The following IMMP2L variants were observed in gnomAD, a reference collection of about 807,000 sequenced individuals.
IMMP2L encodes mitochondrial inner membrane protease subunit 2.
A neutral mutation model predicts 19.3 loss-of-function variants in IMMP2L; 18 were observed. The ratio of observed to expected loss-of-function variants is 0.93; its 90% CI spans 0.64 to 1.38. IMMP2L has a LOEUF of 1.38. Ranked by LOEUF, IMMP2L falls within the 40% of genes most tolerant of loss-of-function variation. IMMP2L has a pLI of 0.00. For synonymous variants in IMMP2L, 76 were observed against 73.0 expected (o/e 1.04, Z -0.21); for missense variants, 233 against 218.2 (o/e 1.07, Z -0.43).
chr7:111,378,360 T>G (rs1350548698), intron 3 of IMMP2L, among the ~76,000 whole-genome samples: 1 of 152,032 alleles, frequency 6.6e-6, no homozygotes, highest in Admixed American at 6.6e-5. Context: ...TAGTCAACAT[T>G]TTATAATTGT....
intron 3 of IMMP2L, among the ~76,000 whole-genome samples, chr7:111,138,772 ATAGT>A (rs1165476326): frequency 2.6e-5 from 4 of 152,194 alleles, no homozygotes; most frequent in African/African-American, 7.2e-5. Flanking sequence ...ACCTGAAAAG[ATAGT>A]TAGTTGTTTT....
At chr7:111,313,030 C>T (rs1823681299) in intron 3 of IMMP2L, among the ~76,000 whole-genome samples, 1 of 152,106 alleles carries the variant, frequency 6.6e-6, no homozygotes, top group Admixed American at 6.6e-5. Flanking sequence ...CTGGAGCCCA[C>T]AAGCCTGCAG....
chr7:110,985,666 T>A (rs944206846), intron 3 of IMMP2L, among the ~76,000 whole-genome samples: 3 of 152,128 alleles, frequency 2.0e-5, no homozygotes, highest in South Asian at 2.1e-4. Flanking sequence ...AAGAATGAAA[T>A]AATAAAACAT....
At chr7:111,447,486 A>C (rs1277889742) in intron 3 of IMMP2L, among the ~76,000 whole-genome samples, 12 of 148,472 alleles carry the variant, frequency 8.1e-5, no homozygotes, top group Middle Eastern at 3.4e-3. Flanking sequence ...GAAATAAAAT[A>C]CTTTACAGAC....
At chr7:110,949,050 G>A (rs367726468) in intron 4 of IMMP2L, among the ~76,000 whole-genome samples, 62 of 152,246 alleles carry the variant, frequency 4.1e-4, no homozygotes, top group African/African-American at 1.3e-3. Flanking sequence ...GAGTTACACC[G>A]TTGGCTTCCC....
intron 1 of IMMP2L, among the ~76,000 whole-genome samples, chr7:111,556,018 G>GTGTGTATATATATATATATATATA (rs777862357): frequency 0.046 from 4,194 of 90,994 alleles, 498 homozygotes; most frequent in East Asian, 0.066. Context: ...CTGTGTGCAT[G>GTGTGTATATATATATATATATATA]TATATATATA....
chr7:111,102,356 C>G (rs1185741986), intron 3 of IMMP2L, among the ~76,000 whole-genome samples: 1 of 151,408 alleles, frequency 6.6e-6, no homozygotes, highest in African/African-American at 2.4e-5. Flanking sequence ...CTCAGCAGTG[C>G]CTTATCTGTG....
At chr7:111,201,070 G>C (rs1173051567) in intron 3 of IMMP2L, among the ~76,000 whole-genome samples, 3 of 152,022 alleles carry the variant, frequency 2.0e-5, no homozygotes. Flanking sequence ...TTCCCATCTT[G>C]GCTTGTTTGG....
intron 3 of IMMP2L, among the ~76,000 whole-genome samples, chr7:111,198,480 A>T (rs563948462): frequency 6.6e-6 from 1 of 152,112 alleles, no homozygotes. Flanking sequence ...TTCCTACAAC[A>T]TGGGTGTACC....
intron 5 of IMMP2L, among the ~76,000 whole-genome samples, chr7:110,732,750 G>A (rs1234234231): frequency 2.6e-5 from 4 of 151,684 alleles, no homozygotes; most frequent in East Asian, 3.9e-4. Context: ...TGTGGTAAAA[G>A]TTGATGAATG....
intron 5 of IMMP2L, among the ~76,000 whole-genome samples, chr7:110,848,179 T>A (rs1301805405): frequency 1.3e-5 from 2 of 151,700 alleles, no homozygotes; most frequent in Non-Finnish European, 3.0e-5. Context: ...AGAACTATTA[T>A]CTAGAATATA....
intron 3 of IMMP2L, among the ~76,000 whole-genome samples, chr7:111,221,889 C>T (rs140767575): frequency 3.0e-4 from 46 of 152,052 alleles, no homozygotes; most frequent in African/African-American, 9.6e-4. Flanking sequence ...AGGCCAAAGA[C>T]ACGCAGCTAG....
intron 3 of IMMP2L, among the ~76,000 whole-genome samples, chr7:111,407,450 A>G (rs1424855148): frequency 6.6e-6 from 1 of 152,122 alleles, no homozygotes; most frequent in Non-Finnish European, 1.5e-5. Context: ...AGGTGCATCT[A>G]AACAAAAAAT....
At chr7:110,682,121 C>A (rs1792764636) in intron 5 of IMMP2L, among the ~76,000 whole-genome samples, 1 of 152,080 alleles carries the variant, frequency 6.6e-6, no homozygotes, top group Non-Finnish European at 1.5e-5. Flanking sequence ...CACTCTTATG[C>A]CTCCTTGAAA....
At position 111,496,458 on chromosome 7, in the gene IMMP2L, T is replaced by C. The variant is rs1325361014; in HGVS notation, c.136-9117A>G. On this transcript the variant is annotated intron_variant, in intron 2 of 5. Coordinates refer to ENST00000405709, the MANE Select transcript of IMMP2L (RefSeq NM_032549.4). ...TTCTGGGTATATCTGTGAGGGAGTG[T>C]TCCCAGGAGAGATTGGCCTTTGAAG... Among the ~76,000 whole-genome samples, 3 of 152,214 alleles carry C rather than the reference T, an allele frequency of 2.0e-5. No individual in the cohort carries two copies. The East Asian group carries it at 5.8e-4, about 29-fold the overall frequency.
intron 3 of IMMP2L, among the ~76,000 whole-genome samples, chr7:111,216,003 G>A (rs921878674): frequency 2.0e-5 from 3 of 152,058 alleles, no homozygotes; most frequent in Admixed American, 6.5e-5. Flanking sequence ...GTTAAGTCAT[G>A]TATGGCCAGA....
rs948322870 is a variant in IMMP2L at position 110,758,635 on chromosome 7, A to G, written c.409-94914T>C. 1.3e-5 allele frequency among the ~76,000 whole-genome samples: 2 copies of G among 152,072 alleles called. No individual in the cohort carries two copies. The highest frequency in any genetic ancestry group is 4.8e-5 in the African/African-American group (2 of 41,440). On this transcript the variant is annotated intron_variant, in intron 5 of 5. Transcript: ENST00000405709. This position sits in a 1 kb window ranked among gnomAD's most constrained non-coding sequence, Gnocchi z 4.6. Reference sequence around the variant, plus strand: ...TATTGACTTTCAGTCTTCCTACAGTACAATCTTCCAATACTTTGTGAGCAG... The same window carrying G: ...TATTGACTTTCAGTCTTCCTACAGTGCAATCTTCCAATACTTTGTGAGCAG...
At chr7:110,729,800 C>T (rs1796130398) in intron 5 of IMMP2L, among the ~76,000 whole-genome samples, 1 of 152,128 alleles carries the variant, frequency 6.6e-6, no homozygotes, top group Non-Finnish European at 1.5e-5. Context: ...GGAAGAACAG[C>T]TAATGGGTGC....
intron 3 of IMMP2L, among the ~76,000 whole-genome samples, chr7:111,425,277 CA>C (rs1835958178): frequency 6.6e-6 from 1 of 151,302 alleles, no homozygotes; most frequent in Non-Finnish European, 1.5e-5. Flanking sequence ...TGAGAAGGAC[CA>C]TGAGAGGACT....
Sources: allele counts gnomAD v4.1 joint callset (sites outside exome capture counted in the v4.1 genomes callset), GRCh38; gene constraint gnomAD v4.1.1; non-coding constraint Gnocchi (gnomAD v3.1); transcripts MANE v1.5; gene names NCBI Gene and HGNC (gene_info 2026-07-23, HGNC 2026-07-21).